Variants in SPOCK3 observed in about 807,000 individuals in gnomAD.
SPOCK3 encodes the protein testican-3.
SPOCK3 carries 30 observed loss-of-function variants against 56.6 expected under a neutral mutation model. The observed-to-expected ratio is 0.53, with a 90% CI of 0.40 to 0.72. The LOEUF is 0.72. SPOCK3 is among the 30% of genes least tolerant of loss of function. The pLI, the probability that SPOCK3 is intolerant of heterozygous loss-of-function variation, is 0.00. For synonymous variants in SPOCK3, 196 were observed against 183.3 expected, an observed-to-expected ratio of 1.07 and a Z score of -0.56; for missense variants, 527 against 530.0, an observed-to-expected ratio of 0.99 and a Z score of 0.06.
intron 6 of SPOCK3, among the ~76,000 whole-genome samples, chr4:166,834,131 T>C (rs1281230160): frequency 6.6e-6 from 1 of 152,174 alleles, no homozygotes; most frequent in East Asian, 1.9e-4. Context: ...ATTGCACACT[T>C]CTCTGGTCTT....
At chr4:167,224,002 C>T (rs139017993) in intron 2 of SPOCK3, among the ~76,000 whole-genome samples, 2 of 151,978 alleles carry the variant, frequency 1.3e-5, no homozygotes, top group East Asian at 1.9e-4. Flanking sequence ...ATTTTGAGTA[C>T]CCTATTCATA....
At chr4:167,008,906 G>A (rs1749732860) in intron 3 of SPOCK3, among the ~76,000 whole-genome samples, 1 of 152,068 alleles carries the variant, frequency 6.6e-6, no homozygotes, top group Non-Finnish European at 1.5e-5. Context: ...GTCACTATTT[G>A]AGTGATGGGT....
At position 167,168,260 on chromosome 4, in the gene SPOCK3, C is replaced by A. The variant is rs1474164739; in HGVS notation, c.189+65725G>T. Among the ~76,000 whole-genome samples the A allele has an allele frequency of 2.0e-5, 3 of 152,044 alleles. No homozygotes were observed. In the East Asian group the frequency reaches 5.8e-4, roughly 29 times the overall value. On this transcript the variant is annotated intron_variant, in intron 2 of 10. Transcript: ENST00000357545. ...AATATACCCAAAAATGTGGAAGCAA[C>A]TTTGGAACTGGGTAACAGGCAGAAG...
chr4:167,182,187 T>A (rs1731525597), intron 2 of SPOCK3, among the ~76,000 whole-genome samples: 1 of 152,258 alleles, frequency 6.6e-6, no homozygotes, highest in South Asian at 2.1e-4. Context: ...TCTGGCAACT[T>A]TTTTTTCCCT....
At chr4:167,119,911 GGAAA>G (rs1761727650) in intron 2 of SPOCK3, 3 of 1,363,004 alleles carry the variant, frequency 2.2e-6, no homozygotes, top group Admixed American at 2.7e-5. Flanking sequence ...AAAGAAAAAA[GGAAA>G]GAAAGAAAGA....
At chr4:166,809,900 G>A (rs1280450180) in intron 6 of SPOCK3, among the ~76,000 whole-genome samples, 2 of 152,034 alleles carry the variant, frequency 1.3e-5, no homozygotes, top group East Asian at 3.9e-4. Flanking sequence ...TCATGTATGA[G>A]CACAGACAAA....
intron 2 of SPOCK3, among the ~76,000 whole-genome samples, chr4:167,171,201 C>T (rs1390842003): frequency 6.6e-6 from 1 of 152,078 alleles, no homozygotes; most frequent in Non-Finnish European, 1.5e-5. Flanking sequence ...ATTTATTTGA[C>T]AAATTATTTA....
chr4:166,994,937 G>A (rs756745583), intron 4 of SPOCK3, among the ~76,000 whole-genome samples: 13 of 152,098 alleles, frequency 8.5e-5, no homozygotes, highest in Non-Finnish European at 1.2e-4. Flanking sequence ...TAGGCAATAG[G>A]TGTAGAGAAA....
chr4:167,106,329 G>T (rs1297036601), intron 2 of SPOCK3, among the ~76,000 whole-genome samples: 1 of 151,760 alleles, frequency 6.6e-6, no homozygotes, highest in Non-Finnish European at 1.5e-5. Flanking sequence ...ATAATAAGAG[G>T]AGTCTTGGAC....
chr4:167,151,064 A>G (rs543541892), intron 2 of SPOCK3, among the ~76,000 whole-genome samples: 1 of 152,132 alleles, frequency 6.6e-6, no homozygotes, highest in South Asian at 2.1e-4. Context: ...GTTGATGTTT[A>G]CTGAGTTGGT....
intron 5 of SPOCK3, among the ~76,000 whole-genome samples, chr4:166,895,402 A>AT (rs1735266653): frequency 6.6e-6 from 1 of 151,192 alleles, no homozygotes; most frequent in Non-Finnish European, 1.5e-5. Flanking sequence ...ATGAGAGTCA[A>AT]TTTTTTAAAA....
intron 2 of SPOCK3, among the ~76,000 whole-genome samples, chr4:167,146,193 A>G (rs1210116664): frequency 6.6e-6 from 1 of 152,174 alleles, no homozygotes; most frequent in Non-Finnish European, 1.5e-5. Context: ...TTAAACCAGC[A>G]AAGATCAAAA....
At chr4:167,005,128 G>T (rs978739275) in intron 3 of SPOCK3, among the ~76,000 whole-genome samples, 1 of 152,046 alleles carries the variant, frequency 6.6e-6, no homozygotes, top group Non-Finnish European at 1.5e-5. Flanking sequence ...ACATTTTTGG[G>T]CTGGAACAGA....
At chr4:166,841,474 C>A (rs1479528111) in intron 6 of SPOCK3, among the ~76,000 whole-genome samples, 1 of 152,062 alleles carries the variant, frequency 6.6e-6, no homozygotes, top group Non-Finnish European at 1.5e-5. Flanking sequence ...TATGCACTGG[C>A]TTCTATTGTT....
chr4:167,064,253 G>T (rs919456502), intron 2 of SPOCK3, among the ~76,000 whole-genome samples: 4 of 151,604 alleles, frequency 2.6e-5, no homozygotes, highest in Middle Eastern at 3.4e-3. Flanking sequence ...CACTGTAGTT[G>T]ATATATTTAT....
intron 8 of SPOCK3, among the ~76,000 whole-genome samples, chr4:166,753,545 AT>A (rs2126486629): frequency 6.6e-6 from 1 of 152,110 alleles, no homozygotes; most frequent in East Asian, 1.9e-4. Flanking sequence ...TTCATCCCTA[AT>A]TACTGAACTA....
chr4:167,212,168 A>C (rs1397283736), intron 2 of SPOCK3, among the ~76,000 whole-genome samples: 2 of 150,894 alleles, frequency 1.3e-5, no homozygotes, highest in Admixed American at 1.3e-4. Context: ...AAGGCACTAC[A>C]CTCTGTGTTG....
chr4:166,854,237 A>T (rs1357749985), intron 6 of SPOCK3, among the ~76,000 whole-genome samples: 2 of 152,214 alleles, frequency 1.3e-5, no homozygotes, highest in African/African-American at 4.8e-5. Flanking sequence ...TTTTGTGCAG[A>T]TTCTTGATGT....
intron 7 of SPOCK3, among the ~76,000 whole-genome samples, chr4:166,779,695 G>A (rs933263016): frequency 6.6e-6 from 1 of 152,196 alleles, no homozygotes; most frequent in East Asian, 1.9e-4. Context: ...AGATAATTGT[G>A]TAAGAAAATA....
Sources: allele counts gnomAD v4.1 joint callset (sites outside exome capture counted in the v4.1 genomes callset), GRCh38; gene constraint gnomAD v4.1.1; transcripts MANE v1.5; gene names NCBI Gene and HGNC (gene_info 2026-07-23, HGNC 2026-07-21).